Variants in VAMP7 observed in about 807,000 individuals in gnomAD.
VAMP7 encodes vesicle associated membrane protein 7, also known as vesicle-associated membrane protein 7.
In VAMP7, 14 loss-of-function variants were observed where a neutral mutation model predicts 29.6. The observed-to-expected ratio is 0.47, with a 90% CI of 0.31 to 0.74. The LOEUF (loss-of-function observed/expected upper bound fraction) is 0.74, where lower values mean the gene tolerates loss of function less well. VAMP7 is among the 30% of genes least tolerant of loss of function. The pLI, the probability that VAMP7 is intolerant of heterozygous loss-of-function variation, is 0.05. For missense variants in VAMP7, 223 were observed against 262.4 expected (o/e 0.85, Z 1.04); for synonymous variants, 95 against 88.1 (o/e 1.08, Z -0.44).
intron 5 of VAMP7, among the ~76,000 whole-genome samples, chrX:155,908,026 C>T (rs1403999932): frequency 6.6e-6 from 1 of 151,998 alleles, no homozygotes; most frequent in Non-Finnish European, 1.5e-5. Context: ...ACGCTCCTCA[C>T]TTCCTAGATG....
rs181840497 is a variant in VAMP7, at chrX:155,915,882, C to T, written c.434-3931C>T. On this transcript the variant is annotated intron_variant, in intron 5 of 7. Transcript: ENST00000286448. ...GTACTGTAGATGTCTATTAGGTCCTCTTGGTCCAGAGCTGAGTTCAAGTCC... is the reference window on the plus strand; with the variant it reads ...GTACTGTAGATGTCTATTAGGTCCTTTTGGTCCAGAGCTGAGTTCAAGTCC... 3.3e-3 allele frequency among the ~76,000 whole-genome samples: 507 copies of T among 152,252 alleles called. 5 individuals carry two copies. Among genetic ancestry groups the T allele is most frequent in the Non-Finnish European group, 1.9e-3 (127 of 68,020 alleles).
At chrX:155,902,218 T>A (rs1209876281) in intron 5 of VAMP7, among the ~76,000 whole-genome samples, 1 of 152,030 alleles carries the variant, frequency 6.6e-6, no homozygotes, top group Admixed American at 6.6e-5. Context: ...ACATTGATTT[T>A]GTATCCTGAG....
intron 6 of VAMP7, among the ~76,000 whole-genome samples, chrX:155,935,485 T>G (rs900997872): frequency 4.6e-5 from 7 of 152,176 alleles, no homozygotes; most frequent in African/African-American, 1.7e-4. Context: ...CTTCCAGTTG[T>G]TCGAATCGGC....
chrX:155,897,233 A>T (rs2065999827), intron 3 of VAMP7, among the ~76,000 whole-genome samples: 1 of 152,142 alleles, frequency 6.6e-6, no homozygotes, highest in South Asian at 2.1e-4. Context: ...AAAAATAATG[A>T]TGTGATTTTC....
intron 2 of VAMP7, among the ~76,000 whole-genome samples, chrX:155,890,274 AGAG>A (rs1253129711): frequency 2.6e-5 from 4 of 152,180 alleles, no homozygotes; most frequent in Middle Eastern, 6.3e-3. Context: ...GGCCATATTA[AGAG>A]CTTGGACTTT....
At chrX:155,923,695 T>C (rs2066428057) in intron 6 of VAMP7, among the ~76,000 whole-genome samples, 1 of 152,056 alleles carries the variant, frequency 6.6e-6, no homozygotes, top group South Asian at 2.1e-4. Context: ...TTTGAGTTTG[T>C]TGTAGTTTTC....
intron 1 of VAMP7, among the ~76,000 whole-genome samples, chrX:155,881,743 C>T (rs34455089): frequency 2.0e-5 from 3 of 152,080 alleles, no homozygotes; most frequent in African/African-American, 7.2e-5. Context: ...CTTTCTGTAG[C>T]ATTTAAATCT....
At chrX:155,890,253 A>G (rs1272383377) in intron 2 of VAMP7, among the ~76,000 whole-genome samples, 1 of 152,142 alleles carries the variant, frequency 6.6e-6, no homozygotes, top group Non-Finnish European at 1.5e-5. Flanking sequence ...AAAGTCATGT[A>G]GGGCCTTGTA....
chrX:155,924,396 C>G (rs1234686950), intron 6 of VAMP7, among the ~76,000 whole-genome samples: 1 of 152,034 alleles, frequency 6.6e-6, no homozygotes, highest in Non-Finnish European at 1.5e-5. Context: ...ATTTCCAAAA[C>G]TTTTTTATCA....
At chrX:155,888,273 A>G (rs1179397353) in intron 1 of VAMP7, among the ~76,000 whole-genome samples, 1 of 152,122 alleles carries the variant, frequency 6.6e-6, no homozygotes, top group African/African-American at 2.4e-5. Flanking sequence ...GTTGTGTTTC[A>G]CAAAGTATGT....
At chrX:155,887,218 T>C (rs1286244689) in intron 1 of VAMP7, among the ~76,000 whole-genome samples, 1 of 152,314 alleles carries the variant, frequency 6.6e-6, no homozygotes, top group African/African-American at 2.4e-5. Context: ...CTTTGGGTTT[T>C]ATCTTTGGCA....
chrX:155,921,812 A>G (rs2066399884), intron 6 of VAMP7, among the ~76,000 whole-genome samples: 1 of 151,930 alleles, frequency 6.6e-6, no homozygotes, highest in South Asian at 2.1e-4. Flanking sequence ...ATTTCCATAT[A>G]TGTTTTAGAA....
intron 5 of VAMP7, among the ~76,000 whole-genome samples, chrX:155,914,575 G>A (rs1285594989): frequency 1.3e-5 from 2 of 152,094 alleles, no homozygotes; most frequent in Non-Finnish European, 2.9e-5. Flanking sequence ...GCATAAAGCG[G>A]TGTTGAATTT....
At chrX:155,898,343 T>C in intron 4 of VAMP7, 94 bp downstream of exon 4, 1 of 1,463,366 alleles carries the variant, frequency 6.8e-7, no homozygotes, top group South Asian at 1.4e-5. Flanking sequence ...TGCAATATAG[T>C]TTTCTGATTG....
At chrX:155,897,185 A>T (rs949860913) in intron 3 of VAMP7, among the ~76,000 whole-genome samples, 2 of 152,134 alleles carry the variant, frequency 1.3e-5, no homozygotes, top group African/African-American at 4.8e-5. Context: ...TGAATATACA[A>T]CCTATATTCA....
At chrX:155,931,787 CTA>C (rs1435761336) in intron 6 of VAMP7, among the ~76,000 whole-genome samples, 2 of 152,144 alleles carry the variant, frequency 1.3e-5, no homozygotes, top group Non-Finnish European at 2.9e-5. Context: ...ATGCCCATGC[CTA>C]TGTCCTCAAT....
chrX:155,927,979 C>T (rs552325404), intron 6 of VAMP7, among the ~76,000 whole-genome samples: 4 of 152,168 alleles, frequency 2.6e-5, no homozygotes, highest in South Asian at 2.1e-4. Flanking sequence ...AGTGCAGTGG[C>T]ACGATCACAG....
chrX:155,914,897 C>A (rs1403340997), intron 5 of VAMP7, among the ~76,000 whole-genome samples: 1 of 152,108 alleles, frequency 6.6e-6, no homozygotes, highest in Non-Finnish European at 1.5e-5. Flanking sequence ...AGGGAGGAGT[C>A]CCTCTTCTTC....
At chrX:155,884,349 ACTC>A (rs1420720535) in intron 1 of VAMP7, among the ~76,000 whole-genome samples, 1 of 150,450 alleles carries the variant, frequency 6.6e-6, no homozygotes, top group African/African-American at 2.4e-5. Context: ...CTGGTCTCGA[ACTC>A]CTGACCTTGG....
Sources: gnomAD v4.1 joint callset for allele counts (sites outside exome capture counted in the v4.1 genomes callset) on GRCh38, gnomAD v4.1.1 for gene constraint, MANE v1.5 for transcripts, NCBI Gene and HGNC (gene_info 2026-07-23, HGNC 2026-07-21) for gene names.